Variants in USP32 observed in about 807,000 individuals in gnomAD.
USP32 encodes the protein ubiquitin specific peptidase 32, also known as ubiquitin carboxyl-terminal hydrolase 32.
USP32 carries 59 observed loss-of-function variants against 204.8 expected under a neutral mutation model. The observed-to-expected ratio is 0.29, with a 90% CI of 0.23 to 0.36. The LOEUF (loss-of-function observed/expected upper bound fraction) is 0.36, where lower values mean the gene tolerates loss of function less well. Among genes scored for constraint, USP32 ranks in the 10% least tolerant of loss-of-function variants. USP32 has a pLI of 1.00. For missense variants in USP32, 1,160 were observed against 1,946.4 expected, an observed-to-expected ratio of 0.60 and a Z score of 7.60; for synonymous variants, 517 against 678.4, an observed-to-expected ratio of 0.76 and a Z score of 3.70.
In USP32 at chr17:60,179,179, G is replaced by T; in HGVS notation, c.*76C>A. ...AACTACATTTAGCTTGCCTTTCAGT[G>T]ACGCTTTTGCCAAATGTCAGCTACA... On this transcript the variant is annotated 3_prime_UTR_variant, in exon 34 of 34. Transcript: ENST00000300896. 6.7e-7 allele frequency: 1 copy of T among 1,502,342 alleles called. No homozygotes were observed. Among genetic ancestry groups the T allele is most frequent in the South Asian group, 1.3e-5 (1 of 76,284 alleles). The allele number at this position is 1,502,342 out of a possible 1,614,324, so 93.1% of individuals were successfully genotyped here. A position where few individuals can be genotyped will look rare whatever the true frequency, so the allele number is the denominator to read the frequency against.
chr17:60,344,605 C>T, intron 2 of USP32, among the ~76,000 whole-genome samples: 1 of 152,022 alleles, frequency 6.6e-6, no homozygotes, highest in Non-Finnish European at 1.5e-5. Flanking sequence ...CACACACCAT[C>T]ATGTCTGCTA....
intron 1 of USP32, among the ~76,000 whole-genome samples, chr17:60,381,492 C>T (rs943634007): frequency 1.3e-5 from 2 of 151,844 alleles, no homozygotes; most frequent in African/African-American, 4.8e-5. Context: ...TTGCCTCCTA[C>T]TCCTCCAATT....
rs149376161 is a variant in USP32 at position 60,341,225 on chromosome 17, T to A, written c.186+4256A>T. Among the ~76,000 whole-genome samples, 8 of 152,296 alleles carry A rather than the reference T, an allele frequency of 5.3e-5. No homozygotes were observed. In the East Asian group the frequency reaches 1.5e-3, roughly 29 times the overall value. On this transcript the variant is annotated intron_variant, in intron 2 of 33. Transcript: ENST00000300896. ...TTGAATGTTGGCCTGCCTTGCTAGGTTGGGGAAGTTCTCCTGGATAATATC... is the reference window on the plus strand; with the variant it reads ...TTGAATGTTGGCCTGCCTTGCTAGGATGGGGAAGTTCTCCTGGATAATATC...
intron 5 of USP32, among the ~76,000 whole-genome samples, chr17:60,282,137 G>A (rs141324652): frequency 3.3e-5 from 5 of 152,220 alleles, no homozygotes; most frequent in East Asian, 1.9e-4. Flanking sequence ...TGACTACCAC[G>A]GAAATCAATG....
chr17:60,310,054 A>C (rs374017334), intron 2 of USP32, among the ~76,000 whole-genome samples: 47 of 152,170 alleles, frequency 3.1e-4, no homozygotes, highest in African/African-American at 1.0e-3. Flanking sequence ...GGAAAAAAAA[A>C]AGAAAGAAAA....
chr17:60,236,174 C>A lies in USP32; in HGVS notation c.1203G>T (p.Met401Ile), dbSNP rs370822104. 1 of 1,613,966 alleles carries A rather than the reference C, an allele frequency of 6.2e-7. No homozygotes were observed. Among genetic ancestry groups the A allele is most frequent in the African/African-American group, 1.3e-5 (1 of 75,026 alleles). Residue 401 changes from methionine to isoleucine, a missense_variant, in exon 12 of 34, where the codon ATG (methionine) becomes ATT (isoleucine). Met to Ile is a conservative substitution (Grantham distance 10). Coordinates refer to ENST00000300896, the MANE Select transcript of USP32 (RefSeq NM_032582.4). Reference sequence around the variant, plus strand: ...ATTCTTTCCACTGTTGCCACCACTGCATGGAGATGATAAACCAGTTGTGTC... The same window carrying A: ...ATTCTTTCCACTGTTGCCACCACTGAATGGAGATGATAAACCAGTTGTGTC... ...QAGHNWFIIS[M>I]QWWQQWKEYV...
intron 11 of USP32, among the ~76,000 whole-genome samples, chr17:60,250,227 T>TTTCATGCAGTTATTC (rs764719694): frequency 1.2e-3 from 178 of 152,280 alleles, no homozygotes; most frequent in Admixed American, 2.6e-3. Context: ...GAGACACTAA[T>TTTCATGCAGTTATTC]TTCATGCAGT....
chr17:60,411,324 AAAATAAATAAATAAAT>A (rs112375424), intron 1 of USP32, among the ~76,000 whole-genome samples: 6 of 138,592 alleles, frequency 4.3e-5, no homozygotes, highest in African/African-American at 1.5e-4. Context: ...AACTGTCTCA[AAAATAAATAAATAAAT>A]AAATAAATAA....
chr17:60,202,420 CAT>C, intron 26 of USP32, among the ~76,000 whole-genome samples: 1 of 150,686 alleles, frequency 6.6e-6, no homozygotes. Context: ...TGTATTTCCA[CAT>C]ATGAGAATCA....
At chr17:60,390,087 T>C (rs887361442) in intron 1 of USP32, among the ~76,000 whole-genome samples, 29 of 152,118 alleles carry the variant, frequency 1.9e-4, no homozygotes, top group Admixed American at 7.2e-4. Context: ...TCTCTTCAAA[T>C]ACATGTGTTT....
intron 1 of USP32, among the ~76,000 whole-genome samples, chr17:60,415,243 G>A (rs2090051130): frequency 6.6e-6 from 1 of 152,126 alleles, no homozygotes; most frequent in Admixed American, 6.5e-5. Context: ...GGAAGACACA[G>A]GACTTCACTG....
chr17:60,196,439 T>G (rs780819979), intron 27 of USP32, among the ~76,000 whole-genome samples: 10 of 152,184 alleles, frequency 6.6e-5, no homozygotes, highest in Non-Finnish European at 2.9e-5. Flanking sequence ...AACACAACAT[T>G]CATTAACTAA....
chr17:60,272,892 T>A (rs902148465), intron 5 of USP32, among the ~76,000 whole-genome samples: 1 of 152,214 alleles, frequency 6.6e-6, no homozygotes, highest in African/African-American at 2.4e-5. Flanking sequence ...TTACTGAGTT[T>A]TGGCAGAATA....
chr17:60,413,842 C>T (rs549253109), intron 1 of USP32, among the ~76,000 whole-genome samples: 6 of 120,938 alleles, frequency 5.0e-5, no homozygotes, highest in Non-Finnish European at 8.0e-5. Flanking sequence ...TCCAGCCTGG[C>T]GACAGCTAGA....
chr17:60,197,768 T>C (rs1271441744), intron 27 of USP32, among the ~76,000 whole-genome samples: 2 of 152,238 alleles, frequency 1.3e-5, no homozygotes, highest in Non-Finnish European at 2.9e-5. Flanking sequence ...TAATTATTTT[T>C]ATCTAGATTT....
intron 27 of USP32, among the ~76,000 whole-genome samples, chr17:60,196,214 C>T (rs779853495): frequency 1.1e-4 from 16 of 148,492 alleles, no homozygotes; most frequent in Admixed American, 2.0e-4. Flanking sequence ...TGCAGTGAGC[C>T]GAGATCATGC....
At chr17:60,195,652 T>A (rs1295954878) in intron 27 of USP32, among the ~76,000 whole-genome samples, 1 of 152,150 alleles carries the variant, frequency 6.6e-6, no homozygotes, top group Non-Finnish European at 1.5e-5. Flanking sequence ...TCTCTTTTGA[T>A]GCTTCTTTTT....
intron 1 of USP32, among the ~76,000 whole-genome samples, chr17:60,398,409 G>GA (rs928791306): frequency 9.2e-4 from 138 of 149,426 alleles, no homozygotes; most frequent in African/African-American, 3.0e-3. Flanking sequence ...AAAGAAAAAA[G>GA]AAAAAAAAAG....
At chr17:60,188,716 C>T (rs1454776313) in intron 29 of USP32, among the ~76,000 whole-genome samples, 1 of 152,162 alleles carries the variant, frequency 6.6e-6, no homozygotes, top group Non-Finnish European at 1.5e-5. Context: ...AGAGTATTCT[C>T]CCCTCAGATA....
Sources: allele counts gnomAD v4.1 joint callset (sites outside exome capture counted in the v4.1 genomes callset), GRCh38; gene constraint gnomAD v4.1.1; transcripts MANE v1.5; gene names NCBI Gene and HGNC (gene_info 2026-07-23, HGNC 2026-07-21).